The following FBN1 variants were observed in gnomAD, a reference collection of about 807,000 sequenced individuals.
The protein encoded by FBN1 is fibrillin-1.
Under a neutral mutation model 365.1 loss-of-function variants are expected in FBN1, and 29 were observed. That is an observed-to-expected ratio of 0.08 (90% confidence interval 0.06 to 0.11). FBN1 has a LOEUF of 0.11. Ranked by LOEUF, FBN1 falls within the 10% of genes least tolerant of loss-of-function variation. The pLI is 1.00. For synonymous variants in FBN1, 1,210 were observed against 1,270.5 expected (o/e 0.95, Z 1.01); for missense variants, 2,476 against 3,703.2 (o/e 0.67, Z 8.60).
chr15:48,541,068 C>G (rs1359249978), intron 6 of FBN1, among the ~76,000 whole-genome samples: 1 of 151,782 alleles, frequency 6.6e-6, no homozygotes, highest in Admixed American at 6.6e-5. Flanking sequence ...GCCACTGATT[C>G]ATAACTTCAC....
At chr15:48,455,107 C>CA (rs1446549229) in intron 44 of FBN1, among the ~76,000 whole-genome samples, 2 of 152,220 alleles carry the variant, frequency 1.3e-5, no homozygotes, top group Non-Finnish European at 2.9e-5. Context: ...ACTCAACCTT[C>CA]ATTTTCCTAT....
At chr15:48,620,402 A>G (rs1221236523) in intron 2 of FBN1, among the ~76,000 whole-genome samples, 1 of 152,182 alleles carries the variant, frequency 6.6e-6, no homozygotes, top group Non-Finnish European at 1.5e-5. Flanking sequence ...CCTCCCCACA[A>G]TACTTCTATG....
Position 48,487,442 on chromosome 15 carries a change from A to G in FBN1, c.3338-5T>C, listed in dbSNP as rs1339110124. On this transcript the variant is annotated splice_region_variant and splice_polypyrimidine_tract_variant and intron_variant, in intron 27 of 65. Coordinates refer to ENST00000316623, the MANE Select transcript of FBN1 (RefSeq NM_000138.5). ...CTCTCTGACACTCATCAATATCTGCAAAATGGAAATGACCATGTTAAAGGT... is the reference window on the plus strand; with the variant it reads ...CTCTCTGACACTCATCAATATCTGCGAAATGGAAATGACCATGTTAAAGGT... 6.2e-7 allele frequency: 1 copy of G among 1,613,854 alleles called. No homozygotes were observed.
At chr15:48,573,044 T>A (rs921379827) in intron 6 of FBN1, among the ~76,000 whole-genome samples, 4 of 152,112 alleles carry the variant, frequency 2.6e-5, no homozygotes, top group African/African-American at 9.7e-5. Flanking sequence ...CTGCTGGGGA[T>A]GAGCCAGCGA....
chr15:48,576,091 C>A (rs2044345362), intron 6 of FBN1, among the ~76,000 whole-genome samples: 1 of 152,124 alleles, frequency 6.6e-6, no homozygotes, highest in Non-Finnish European at 1.5e-5. Context: ...GTATTGTTGA[C>A]TCTCAATGAA....
intron 9 of FBN1, among the ~76,000 whole-genome samples, chr15:48,522,035 C>A (rs1410257386): frequency 6.6e-6 from 1 of 152,170 alleles, no homozygotes; most frequent in African/African-American, 2.4e-5. Flanking sequence ...TCAGTGGCAG[C>A]ACTAGATTCT....
intron 6 of FBN1, among the ~76,000 whole-genome samples, chr15:48,593,870 AAG>A (rs1380962466): frequency 1.3e-5 from 2 of 152,168 alleles, no homozygotes; most frequent in African/African-American, 4.8e-5. Flanking sequence ...GAAAGTAGTA[AAG>A]GCCTCCCGGA....
At chr15:48,599,333 A>G (rs1315218348) in intron 5 of FBN1, among the ~76,000 whole-genome samples, 1 of 152,200 alleles carries the variant, frequency 6.6e-6, no homozygotes, top group African/African-American at 2.4e-5. Flanking sequence ...TGTATTTTAA[A>G]ATGTGTAATG....
intron 6 of FBN1, among the ~76,000 whole-genome samples, chr15:48,554,983 C>T (rs996105547): frequency 6.6e-6 from 1 of 152,182 alleles, no homozygotes; most frequent in African/African-American, 2.4e-5. Flanking sequence ...TTATACCCAA[C>T]ATGCATCATT....
At chr15:48,433,728 G>A (rs377143899) in intron 54 of FBN1, among the ~76,000 whole-genome samples, 1 of 152,200 alleles carries the variant, frequency 6.6e-6, no homozygotes, top group African/African-American at 2.4e-5. Flanking sequence ...CTAAGAACAC[G>A]AGTGAGAGCC....
chr15:48,452,648 C>A lies in FBN1; in HGVS notation c.5459G>T (p.Arg1820Leu). The A allele has an allele frequency of 6.2e-7, 1 of 1,614,116 alleles. No homozygotes were observed. Among genetic ancestry groups the A allele is most frequent in the Non-Finnish European group, 8.5e-7 (1 of 1,179,976 alleles). The change falls in exon 45 of 66, where the codon CGC (arginine) becomes CTC (leucine). Residue 1820 changes from arginine (R) to leucine (L), a missense_variant. Physicochemically the swap from Arg to Leu is moderately radical, Grantham distance 102 (BLOSUM62 -2). Transcript: ENST00000316623. ...DECQNGPVCQ[R>L]NAECINTAGS... ...TGCAGTGTTGATGCATTCGGCGTTG[C>A]GCTGGCACACTGGGCCGTTCTGACA...
At chr15:48,611,903 A>C (rs575961816) in intron 3 of FBN1, among the ~76,000 whole-genome samples, 106 of 152,360 alleles carry the variant, frequency 7.0e-4, no homozygotes, top group Non-Finnish European at 1.3e-3. Flanking sequence ...AAAAGAGTAC[A>C]CTTGATAGAA....
intron 35 of FBN1, among the ~76,000 whole-genome samples, chr15:48,471,041 C>T (rs949705164): frequency 2.0e-5 from 3 of 151,314 alleles, no homozygotes; most frequent in South Asian, 2.1e-4. Flanking sequence ...ACATCACTTT[C>T]GTAAAGTAAG....
At position 48,520,788 on chromosome 15, in the gene FBN1, G is replaced by A; in HGVS notation, c.1018C>T (p.Leu340=). ...DVRPGYCYTA[L]TNGRCSNQLP... ...TGGTTAGAGCAGCGCCCGTTTGTCA[G>A]AGCTGTGTAACAGTATCCTGGGCGA... The change falls in exon 10 of 66, where the codon CTG becomes TTG. Residue 340 remains leucine, a synonymous_variant. Transcript: ENST00000316623. The A allele has an allele frequency of 6.2e-7, 1 of 1,614,186 alleles. No homozygotes were observed. The highest frequency in any genetic ancestry group is 8.5e-7 in the Non-Finnish European group (1 of 1,180,026).
At chr15:48,601,033 C>A (rs914943674) in intron 4 of FBN1, among the ~76,000 whole-genome samples, 3 of 152,166 alleles carry the variant, frequency 2.0e-5, no homozygotes, top group African/African-American at 7.2e-5. Flanking sequence ...CACTGCCTGA[C>A]GACAGGGACA....
chr15:48,425,567 G>A (rs1036963547), intron 59 of FBN1, 76 bp from the exon 60 acceptor site: 11 of 1,599,028 alleles, frequency 6.9e-6, no homozygotes, highest in Admixed American at 6.7e-5. Flanking sequence ...AGGGTCTAAC[G>A]AAGAATTTTA....
intron 3 of FBN1, among the ~76,000 whole-genome samples, chr15:48,611,875 A>G (rs2044659624): frequency 6.6e-6 from 1 of 152,248 alleles, no homozygotes; most frequent in Non-Finnish European, 1.5e-5. Flanking sequence ...TGCAAGTGCA[A>G]ACATGATATG....
chr15:48,414,232 C>A (rs944155768), intron 64 of FBN1, among the ~76,000 whole-genome samples: 1 of 152,188 alleles, frequency 6.6e-6, no homozygotes, highest in East Asian at 1.9e-4. Flanking sequence ...GAGAGCCAGA[C>A]ACAAACATCT....
chr15:48,643,417 C>A (rs1890234704), intron 2 of FBN1: 1 of 152,190 alleles, frequency 6.6e-6, no homozygotes, highest in South Asian at 2.1e-4. Context: ...TTGGCTCATA[C>A]AATCATCTTG....
Sources: allele counts gnomAD v4.1 joint callset (sites outside exome capture counted in the v4.1 genomes callset), GRCh38; gene constraint gnomAD v4.1.1; transcripts MANE v1.5; gene names NCBI Gene and HGNC (gene_info 2026-07-23, HGNC 2026-07-21).